Variants in RAP1GAP2 observed in about 807,000 individuals in gnomAD.
The protein encoded by RAP1GAP2 is rap1 GTPase-activating protein 2.
In RAP1GAP2, 27 loss-of-function variants were observed where a neutral mutation model predicts 95.0. The observed-to-expected ratio is 0.28, with a 90% CI of 0.21 to 0.39. The LOEUF (loss-of-function observed/expected upper bound fraction) is 0.39. Ranked by LOEUF, RAP1GAP2 falls within the 10% of genes least tolerant of loss-of-function variation. The pLI is 1.00. For synonymous variants in RAP1GAP2, 373 were observed against 380.9 expected, an observed-to-expected ratio of 0.98 and a Z score of 0.24; for missense variants, 771 against 970.0, an observed-to-expected ratio of 0.79 and a Z score of 2.72.
rs35795921 is a variant in RAP1GAP2, at chr17:2,758,171, GCC to G, written c.50+2413_50+2414del. ...GGCGTGAGCCACCACGCCTGGCCAC[GCC>G]CCCCCCCCTTTTTTTTTTTTAAGAT... On this transcript the variant is annotated intron_variant, in intron 1 of 25. Transcript: ENST00000637138. Among the ~76,000 whole-genome samples, 10 of 104,632 alleles carry G rather than the reference GCC, an allele frequency of 9.6e-5. No individual in the cohort carries two copies. In the South Asian group the frequency reaches 1.2e-3, roughly 13 times the overall value. 68.6% of individuals were successfully genotyped at this position (104,632 alleles called of 152,430 possible).
At chr17:3,024,632 A>G (rs1183101916) in intron 19 of RAP1GAP2, among the ~76,000 whole-genome samples, 2 of 152,238 alleles carry the variant, frequency 1.3e-5, no homozygotes. Flanking sequence ...TGGCAGCACT[A>G]TTTATCATAG....
At position 2,788,155 on chromosome 17, in the gene RAP1GAP2, T is replaced by C. The variant is rs149124174; in HGVS notation, c.-14+10877T>C. 1.7e-4 allele frequency among the ~76,000 whole-genome samples: 26 copies of C among 152,212 alleles called. 1 individual carries two copies. Among genetic ancestry groups the C allele is most frequent in the Admixed American group, 3.3e-4 (5 of 15,230 alleles). ...AAAGGGTATGTGCACTTAAACAATT[T>C]TGATAGAGTGTATTAGTCAGGGCTT... is the stretch of plus-strand genomic sequence containing the variant. On this transcript the variant is annotated intron_variant, in intron 1 of 24. Transcript: ENST00000540393.
chr17:2,888,030 TC>T (rs1423816874), intron 2 of RAP1GAP2, among the ~76,000 whole-genome samples: 23 of 152,266 alleles, frequency 1.5e-4, no homozygotes, highest in African/African-American at 5.5e-4. Context: ...AGGAGCAGAA[TC>T]AATCCCCAGG....
intron 11 of RAP1GAP2, among the ~76,000 whole-genome samples, chr17:2,986,367 C>G (rs1028856708): frequency 7.2e-5 from 11 of 152,074 alleles, no homozygotes; most frequent in African/African-American, 2.7e-4. Context: ...ATAAAACCCC[C>G]TAATTAAAGT....
In RAP1GAP2 at chr17:2,797,835, G is replaced by GGT; in HGVS notation, c.44+1273_44+1274dup. 3.1e-6 allele frequency: 3 copies of GGT among 964,194 alleles called. No individual in the cohort carries two copies. Among genetic ancestry groups the GGT allele is most frequent in the Non-Finnish European group, 3.7e-6 (3 of 810,756 alleles). The allele number at this position is 964,194 out of a possible 1,614,324, so 59.7% of individuals were successfully genotyped here. On this transcript the variant is annotated intron_variant, in intron 1 of 24. Coordinates refer to ENST00000254695, the MANE Select transcript of RAP1GAP2 (RefSeq NM_015085.5). This position sits in a 1 kb window ranked among gnomAD's most constrained non-coding sequence, Gnocchi z 5.6. The stretch of plus-strand genomic sequence containing the variant: ...GAGGACTTGGCTTCTGGTTGGGAGG[G>GGT]GTGTGTGTGTCTTGGCTGTGGGCCT...
chr17:2,756,450 C>T (rs948541142), intron 1 of RAP1GAP2, among the ~76,000 whole-genome samples: 1 of 152,206 alleles, frequency 6.6e-6, no homozygotes, highest in Non-Finnish European at 1.5e-5. Context: ...GTCGAGTCAC[C>T]TGATCTGGGC....
chr17:2,872,226 A>AAG (rs1209557189), intron 2 of RAP1GAP2, among the ~76,000 whole-genome samples: 1 of 151,254 alleles, frequency 6.6e-6, no homozygotes, highest in Non-Finnish European at 1.5e-5. Context: ...AAAAAAAAAA[A>AAG]AAAAAAAAGG....
At chr17:2,880,219 G>A (rs751998245) in intron 2 of RAP1GAP2, among the ~76,000 whole-genome samples, 24 of 152,006 alleles carry the variant, frequency 1.6e-4, no homozygotes, top group Non-Finnish European at 2.8e-4. Flanking sequence ...GTGTGGGTGA[G>A]AGAAGGGTCT....
At chr17:2,986,946 C>T (rs541990266) in intron 11 of RAP1GAP2, among the ~76,000 whole-genome samples, 33 of 152,278 alleles carry the variant, frequency 2.2e-4, no homozygotes, top group African/African-American at 2.4e-4. Flanking sequence ...AGAGTTGTGA[C>T]GCCTTCATGG....
intron 1 of RAP1GAP2, among the ~76,000 whole-genome samples, chr17:2,787,702 G>C (rs146807246): frequency 0.019 from 2,820 of 152,192 alleles, 152 homozygotes; most frequent in Admixed American, 0.11. Context: ...CGAGTAGCTG[G>C]GAATACAGGC....
chr17:2,929,138 C>T (rs1041655425), intron 3 of RAP1GAP2, among the ~76,000 whole-genome samples: 3 of 152,140 alleles, frequency 2.0e-5, no homozygotes, highest in Non-Finnish European at 2.9e-5. Flanking sequence ...GAGGCTGAGG[C>T]GGGAGGATCC....
chr17:3,001,805 G>A (rs748134323), intron 14 of RAP1GAP2, among the ~76,000 whole-genome samples: 1 of 152,218 alleles, frequency 6.6e-6, no homozygotes, highest in Non-Finnish European at 1.5e-5. Context: ...TTTAGCATTT[G>A]CTTCTCTTTC....
intron 3 of RAP1GAP2, among the ~76,000 whole-genome samples, chr17:2,943,287 T>TAA (rs1359403736): frequency 1.3e-5 from 2 of 152,224 alleles, no homozygotes; most frequent in African/African-American, 4.8e-5. Context: ...GGAGGAAATA[T>TAA]TTGCAAACCA....
At chr17:2,784,397 A>C (rs113133947) in intron 1 of RAP1GAP2, among the ~76,000 whole-genome samples, 4,799 of 152,046 alleles carry the variant, frequency 0.032, 101 homozygotes, top group Middle Eastern at 0.068. Context: ...CAGCCTCCCA[A>C]ATAGCTGGGA....
At chr17:2,829,383 G>T (rs1353192436) in intron 2 of RAP1GAP2, among the ~76,000 whole-genome samples, 1 of 152,054 alleles carries the variant, frequency 6.6e-6, no homozygotes, top group Non-Finnish European at 1.5e-5. Flanking sequence ...CCTTCCCGTG[G>T]CTTCAGATCT....
intron 2 of RAP1GAP2, among the ~76,000 whole-genome samples, chr17:2,893,158 G>T (rs1366489283): frequency 1.3e-5 from 2 of 151,944 alleles, no homozygotes; most frequent in African/African-American, 4.8e-5. Context: ...CTCCCAACTA[G>T]CTGGGATTAC....
intron 3 of RAP1GAP2, among the ~76,000 whole-genome samples, chr17:2,927,005 CAAAAA>C (rs1242428206): frequency 1.8e-5 from 1 of 54,138 alleles, no homozygotes. Context: ...GACTCCATCT[CAAAAA>C]AAAAAAAAAA....
At position 3,008,207 on chromosome 17, in the gene RAP1GAP2, G is replaced by T; in HGVS notation, c.1494+62G>T. 1 of 1,603,676 alleles carries T rather than the reference G, an allele frequency of 6.2e-7. No homozygotes were observed. Among genetic ancestry groups the T allele is most frequent in the South Asian group, 1.1e-5 (1 of 89,632 alleles). On this transcript the variant is annotated intron_variant, in intron 17 of 24. Transcript: ENST00000254695. The surrounding 1 kb of genome is among the most constrained non-coding windows in gnomAD (Gnocchi z 4.2). ...TTGGGATTGGGGAAGAAAGGAAGTG[G>T]TCCAAGGTCCATGGGATACTGATCC...
At chr17:2,792,579 T>G (rs918447964), upstream of RAP1GAP2, among the ~76,000 whole-genome samples, 1 of 152,180 alleles carries the variant, frequency 6.6e-6, no homozygotes, top group Non-Finnish European at 1.5e-5. Context: ...CAGCCCTCAG[T>G]CTGGGGACGT....
Sources: gnomAD v4.1 joint callset for allele counts (sites outside exome capture counted in the v4.1 genomes callset) on GRCh38, gnomAD v4.1.1 for gene constraint, Gnocchi (gnomAD v3.1) non-coding constraint, MANE v1.5 for transcripts, NCBI Gene and HGNC (gene_info 2026-07-23, HGNC 2026-07-21) for gene names.